Variants in TNR observed in about 807,000 individuals in gnomAD.
TNR encodes the protein tenascin R, also known as tenascin-R.
Under a neutral mutation model 150.4 loss-of-function variants are expected in TNR, and 45 were observed. The ratio of observed to expected loss-of-function variants is 0.30; its 90% CI spans 0.24 to 0.38. The LOEUF (loss-of-function observed/expected upper bound fraction) is 0.38, where lower values mean the gene tolerates loss of function less well. Ranked by LOEUF, TNR falls within the 10% of genes least tolerant of loss-of-function variation. TNR has a pLI of 1.00. For synonymous variants in TNR, 687 were observed against 678.4 expected (o/e 1.01, Z -0.20); for missense variants, 1,544 against 1,759.1 (o/e 0.88, Z 2.19).
At chr1:175,708,749 A>G (rs2101933442) in intron 1 of TNR, among the ~76,000 whole-genome samples, 1 of 152,308 alleles carries the variant, frequency 6.6e-6, no homozygotes, top group Middle Eastern at 3.4e-3. Flanking sequence ...TAAGAAGGAA[A>G]TCTTACAGCC....
chr1:175,366,939 TC>T (rs1290872141), intron 10 of TNR, among the ~76,000 whole-genome samples: 1 of 152,198 alleles, frequency 6.6e-6, no homozygotes, highest in Non-Finnish European at 1.5e-5. Flanking sequence ...TTTAGGATTT[TC>T]CACCTCTGCT....
intron 1 of TNR, among the ~76,000 whole-genome samples, chr1:175,665,941 C>G (rs1160938370): frequency 6.6e-6 from 1 of 152,176 alleles, no homozygotes; most frequent in Non-Finnish European, 1.5e-5. Flanking sequence ...TACTGAATAC[C>G]TACTATGTGC....
chr1:175,598,778 G>A (rs569545397), intron 1 of TNR, among the ~76,000 whole-genome samples: 201 of 152,306 alleles, frequency 1.3e-3, no homozygotes, highest in African/African-American at 4.6e-3. Flanking sequence ...GGCACTCAAA[G>A]AGCCAAGGTC....
intron 1 of TNR, among the ~76,000 whole-genome samples, chr1:175,551,388 C>T (rs1372355419): frequency 6.6e-6 from 1 of 152,102 alleles, no homozygotes; most frequent in Admixed American, 6.5e-5. Context: ...TCTAAGGAAG[C>T]TAGTGGAGGA....
intron 1 of TNR, among the ~76,000 whole-genome samples, chr1:175,536,528 A>G (rs1660292648): frequency 6.6e-6 from 1 of 152,252 alleles, no homozygotes; most frequent in South Asian, 2.1e-4. Flanking sequence ...TCCAAGTGGC[A>G]GAGCTGAAAT....
intron 1 of TNR, among the ~76,000 whole-genome samples, chr1:175,598,721 G>T (rs896061849): frequency 6.6e-6 from 1 of 152,202 alleles, no homozygotes; most frequent in Non-Finnish European, 1.5e-5. Context: ...CAGAATATGG[G>T]TCACATCTGA....
At chr1:175,434,230 A>G (rs897216908) in intron 2 of TNR, among the ~76,000 whole-genome samples, 4 of 152,214 alleles carry the variant, frequency 2.6e-5, no homozygotes, top group African/African-American at 9.7e-5. Flanking sequence ...GAGCACTGGA[A>G]GGAATGAAAG....
chr1:175,448,284 C>T (rs981663074), intron 2 of TNR, among the ~76,000 whole-genome samples: 4 of 152,230 alleles, frequency 2.6e-5, no homozygotes, highest in African/African-American at 9.6e-5. Context: ...GTGGTGCAAT[C>T]TTGGCTCACT....
intron 2 of TNR, among the ~76,000 whole-genome samples, chr1:175,408,085 C>G (rs1033548472): frequency 6.6e-6 from 1 of 152,194 alleles, no homozygotes; most frequent in Admixed American, 6.5e-5. Context: ...ATTCATGTCC[C>G]TCTCTTCCAG....
intron 18 of TNR, among the ~76,000 whole-genome samples, chr1:175,351,205 T>C (rs1452450974): frequency 6.6e-6 from 1 of 152,200 alleles, no homozygotes; most frequent in African/African-American, 2.4e-5. Context: ...TCCTTATTGG[T>C]AATGTCCCCA....
chr1:175,393,090 G>A (rs546601776), intron 6 of TNR, among the ~76,000 whole-genome samples: 3 of 152,190 alleles, frequency 2.0e-5, no homozygotes, highest in Non-Finnish European at 4.4e-5. Flanking sequence ...GGAGGACATT[G>A]GTAGGGTCAA....
At position 175,317,845 on chromosome 1, in the gene TNR, A is replaced by G. The variant is rs1648884745; in HGVS notation, c.*5512T>C. ...GAGGAACAAGAGCTGTGTTATTTGG[A>G]TGCACTGCAAGAGCCTTATTAAGCT... is the stretch of plus-strand genomic sequence containing the variant. On this transcript the variant is annotated 3_prime_UTR_variant, in exon 23 of 23. Coordinates refer to ENST00000367674, the MANE Select transcript of TNR (RefSeq NM_003285.3). 6.6e-6 allele frequency: 1 copy of G among 152,270 alleles called. No individual in the cohort carries two copies. The highest frequency in any genetic ancestry group is 1.9e-4 in the East Asian group (1 of 5,202). The allele number at this position is 152,270 out of a possible 1,614,324, so 9.4% of individuals were successfully genotyped here.
rs116770929 is a variant in TNR at position 175,351,394 on chromosome 1, G to T, written c.3382+2997C>A. ...TAGTGGAATTTATTCAGGGAAATTT[G>T]CATTGAGGTGGCTGACAGAGCCTGA... On this transcript the variant is annotated intron_variant, in intron 18 of 22. Transcript: ENST00000367674. Among the ~76,000 whole-genome samples the T allele has an allele frequency of 7.7e-3, 1,165 of 152,278 alleles. 10 individuals carry two copies. Among genetic ancestry groups the T allele is most frequent in the South Asian group, 0.023 (109 of 4,826 alleles).
chr1:175,401,348 T>C (rs1369523046), intron 4 of TNR, among the ~76,000 whole-genome samples: 1 of 152,118 alleles, frequency 6.6e-6, no homozygotes, highest in Non-Finnish European at 1.5e-5. Context: ...ACCCTGGGTG[T>C]CCTCCAGATG....
At chr1:175,710,436 G>A (rs568225389) in intron 1 of TNR, among the ~76,000 whole-genome samples, 10 of 152,220 alleles carry the variant, frequency 6.6e-5, no homozygotes, top group East Asian at 1.9e-4. Flanking sequence ...TCTAAAAAGC[G>A]TCTATAGCTC....
intron 1 of TNR, among the ~76,000 whole-genome samples, chr1:175,661,781 C>T (rs1234749401): frequency 8.9e-6 from 1 of 112,838 alleles, no homozygotes; most frequent in Admixed American, 1.1e-4. Context: ...TCTGCTCATC[C>T]TCTTTCCCTC....
intron 2 of TNR, among the ~76,000 whole-genome samples, chr1:175,439,222 A>C (rs967288467): frequency 1.3e-5 from 2 of 151,688 alleles, no homozygotes; most frequent in African/African-American, 4.8e-5. Flanking sequence ...ATAATGCCGC[A>C]TATCTACAAC....
intron 18 of TNR, 148 bp from the exon 19 acceptor site, chr1:175,337,827 G>C: frequency 1.2e-6 from 1 of 866,618 alleles, no homozygotes; most frequent in Non-Finnish European, 1.8e-6. Flanking sequence ...TGTGGGTGTG[G>C]GGACTTGGCA....
intron 1 of TNR, among the ~76,000 whole-genome samples, chr1:175,634,528 A>T (rs1324431633): frequency 6.6e-6 from 1 of 152,198 alleles, no homozygotes; most frequent in East Asian, 1.9e-4. Context: ...TGAAGAATGG[A>T]ATATATCAGA....
Sources: allele counts gnomAD v4.1 joint callset (sites outside exome capture counted in the v4.1 genomes callset), GRCh38; gene constraint gnomAD v4.1.1; transcripts MANE v1.5; gene names NCBI Gene and HGNC (gene_info 2026-07-23, HGNC 2026-07-21).